Variants in SUCLG2 observed in about 807,000 individuals in gnomAD.
SUCLG2 encodes the protein succinate-CoA ligase GDP-forming subunit beta.
A neutral mutation model predicts 47.9 loss-of-function variants in SUCLG2; 42 were observed. The ratio of observed to expected loss-of-function variants is 0.88; its 90% CI spans 0.69 to 1.14. The LOEUF (loss-of-function observed/expected upper bound fraction) is 1.14. SUCLG2 is among the 50% of genes most tolerant of loss of function. The pLI, the probability that SUCLG2 is intolerant of heterozygous loss-of-function variation, is 0.00. For missense variants in SUCLG2, 571 were observed against 525.9 expected, an observed-to-expected ratio of 1.09 and a Z score of -0.84; for synonymous variants, 195 against 197.3, an observed-to-expected ratio of 0.99 and a Z score of 0.10.
At chr3:67,506,609 G>A (rs925815073) in intron 7 of SUCLG2, among the ~76,000 whole-genome samples, 3 of 152,114 alleles carry the variant, frequency 2.0e-5, no homozygotes, top group East Asian at 1.9e-4. Flanking sequence ...AACACAGCTC[G>A]TGACTGCTTC....
At chr3:67,405,425 A>G (rs1335651178) in intron 9 of SUCLG2, among the ~76,000 whole-genome samples, 1 of 152,228 alleles carries the variant, frequency 6.6e-6, no homozygotes, top group Non-Finnish European at 1.5e-5. Context: ...AAAAATCAAT[A>G]CTAAACCTCT....
intron 9 of SUCLG2, among the ~76,000 whole-genome samples, chr3:67,412,560 C>T (rs893775108): frequency 1.3e-5 from 2 of 151,980 alleles, no homozygotes; most frequent in African/African-American, 4.8e-5. Context: ...TCTGGGGAGC[C>T]CTGGCAGGAG....
chr3:67,408,895 G>A, intron 9 of SUCLG2: 2 of 1,496,418 alleles, frequency 1.3e-6, no homozygotes, highest in Non-Finnish European at 1.8e-6. Flanking sequence ...CACTCCCTCT[G>A]GCAGTCTCTC....
intron 2 of SUCLG2, among the ~76,000 whole-genome samples, chr3:67,541,250 A>G (rs1026928661): frequency 2.0e-5 from 3 of 152,192 alleles, no homozygotes; most frequent in African/African-American, 7.2e-5. Flanking sequence ...GGGTATTAAC[A>G]AACTCCTCTG....
intron 9 of SUCLG2, among the ~76,000 whole-genome samples, chr3:67,410,084 C>T (rs1278876164): frequency 2.6e-5 from 4 of 152,144 alleles, no homozygotes; most frequent in Admixed American, 6.6e-5. Flanking sequence ...TAGTTATTTT[C>T]TGCAAAAGAG....
intron 1 of SUCLG2, among the ~76,000 whole-genome samples, chr3:67,621,639 T>C (rs889684856): frequency 3.9e-5 from 6 of 152,122 alleles, no homozygotes; most frequent in Non-Finnish European, 8.8e-5. Flanking sequence ...TAATGGATTA[T>C]CATGGGAGTG....
chr3:67,556,150 G>A (rs1349691347), intron 2 of SUCLG2, among the ~76,000 whole-genome samples: 1 of 152,176 alleles, frequency 6.6e-6, no homozygotes, highest in Admixed American at 6.5e-5. Flanking sequence ...TTCCAGAGTA[G>A]AAGAGATCCA....
At chr3:67,371,354 G>C (rs142302512), downstream of SUCLG2, among the ~76,000 whole-genome samples, 16 of 152,314 alleles carry the variant, frequency 1.1e-4, no homozygotes, top group East Asian at 2.9e-3. Context: ...AGATAAGACT[G>C]CCAGACCTAA....
At chr3:67,512,489 T>C (rs1369762706) in intron 6 of SUCLG2, among the ~76,000 whole-genome samples, 1 of 150,826 alleles carries the variant, frequency 6.6e-6, no homozygotes, top group East Asian at 1.9e-4. Flanking sequence ...GAGTCAACAC[T>C]CGATAAATAT....
intron 4 of SUCLG2, 138 bp downstream of exon 4, chr3:67,527,994 A>G: frequency 1.4e-6 from 1 of 690,410 alleles, no homozygotes; most frequent in Non-Finnish European, 2.4e-6. Flanking sequence ...TACTAAACAG[A>G]TTAGATGAGC....
chr3:67,447,864 G>C (rs1286903569), intron 9 of SUCLG2, among the ~76,000 whole-genome samples: 1 of 152,114 alleles, frequency 6.6e-6, no homozygotes, highest in African/African-American at 2.4e-5. Flanking sequence ...GAGTAGCTGG[G>C]ATTATAGACA....
chr3:67,478,594 T>G (rs1398346563), intron 9 of SUCLG2, among the ~76,000 whole-genome samples: 1 of 152,258 alleles, frequency 6.6e-6, no homozygotes, highest in Non-Finnish European at 1.5e-5. Context: ...GTACTTTCAT[T>G]AACATGTTAT....
At chr3:67,386,130 C>G (rs897832594) in intron 10 of SUCLG2, among the ~76,000 whole-genome samples, 8 of 152,148 alleles carry the variant, frequency 5.3e-5, no homozygotes, top group Admixed American at 5.2e-4. Flanking sequence ...GCTCTGTCAC[C>G]CAGACTGGAG....
At chr3:67,518,197 A>G (rs1705999872) in intron 6 of SUCLG2, 50 bp downstream of exon 6, 2 of 1,481,836 alleles carry the variant, frequency 1.3e-6, no homozygotes, top group East Asian at 2.3e-5. Context: ...CAAGTTCCCA[A>G]ATGTTTTCTG....
chr3:67,551,486 G>A (rs529079689), intron 2 of SUCLG2, among the ~76,000 whole-genome samples: 8 of 152,242 alleles, frequency 5.3e-5, no homozygotes, highest in Admixed American at 2.6e-4. Flanking sequence ...ACTTGATTCC[G>A]TCTGGAGCTG....
At chr3:67,402,018 T>G (rs1281833480) in intron 9 of SUCLG2, among the ~76,000 whole-genome samples, 1 of 152,190 alleles carries the variant, frequency 6.6e-6, no homozygotes, top group African/African-American at 2.4e-5. Flanking sequence ...GGGCATGTTG[T>G]CCCAAGGTCA....
intron 10 of SUCLG2, among the ~76,000 whole-genome samples, chr3:67,388,680 A>G (rs1269016859): frequency 6.6e-6 from 1 of 152,246 alleles, no homozygotes; most frequent in Admixed American, 6.5e-5. Flanking sequence ...AAGGAAATGC[A>G]GACTCCTAAT....
chr3:67,384,930 T>C (rs1702229649), intron 10 of SUCLG2, among the ~76,000 whole-genome samples: 1 of 152,194 alleles, frequency 6.6e-6, no homozygotes, highest in South Asian at 2.1e-4. Flanking sequence ...TCATGAAGTC[T>C]TTCCCCATAG....
At chr3:67,455,316 G>A (rs567268530) in intron 9 of SUCLG2, among the ~76,000 whole-genome samples, 1 of 152,212 alleles carries the variant, frequency 6.6e-6, no homozygotes, top group Admixed American at 6.5e-5. Context: ...AGTAAGTGAG[G>A]GTCTTCTGGT....
Sources: allele counts gnomAD v4.1 joint callset (sites outside exome capture counted in the v4.1 genomes callset), GRCh38; gene constraint gnomAD v4.1.1; transcripts MANE v1.5; gene names NCBI Gene and HGNC (gene_info 2026-07-23, HGNC 2026-07-21).